The following PDE4D variants were observed in gnomAD, a reference collection of about 807,000 sequenced individuals.
PDE4D encodes the protein 3',5'-cyclic-AMP phosphodiesterase 4D.
Under a neutral mutation model 87.4 loss-of-function variants are expected in PDE4D, and 24 were observed. The ratio of observed to expected loss-of-function variants is 0.27; its 90% confidence interval spans 0.20 to 0.39. The LOEUF (loss-of-function observed/expected upper bound fraction) is 0.39. Among genes scored for constraint, PDE4D ranks in the 10% least tolerant of loss-of-function variants. PDE4D has a pLI of 1.00. For synonymous variants in PDE4D, 384 were observed against 383.2 expected (o/e 1.00, Z -0.02); for missense variants, 714 against 1,041.0 (o/e 0.69, Z 4.32).
chr5:59,131,801 T>C (rs1776331598), intron 5 of PDE4D, among the ~76,000 whole-genome samples: 1 of 152,178 alleles, frequency 6.6e-6, no homozygotes, highest in African/African-American at 2.4e-5. Flanking sequence ...ATAGTTTTGT[T>C]TGGCAAAAAT....
intron 1 of PDE4D, among the ~76,000 whole-genome samples, chr5:59,588,144 A>G (rs1002149439): frequency 6.6e-6 from 1 of 152,170 alleles, no homozygotes; most frequent in African/African-American, 2.4e-5. Flanking sequence ...GCAATTGCGC[A>G]TGCCATAAAA....
intron 5 of PDE4D, among the ~76,000 whole-genome samples, chr5:59,047,779 C>T (rs1580508412): frequency 1.3e-5 from 2 of 152,136 alleles, no homozygotes; most frequent in South Asian, 2.1e-4. Context: ...GAAAGCCCTT[C>T]GGAAGTAATT....
At chr5:60,254,044 T>A (rs982840436) in intron 1 of PDE4D, among the ~76,000 whole-genome samples, 1 of 151,992 alleles carries the variant, frequency 6.6e-6, no homozygotes, top group Non-Finnish European at 1.5e-5. Flanking sequence ...GATATACCTC[T>A]TCTTTCTATG....
chr5:59,405,384 T>C (rs1374131132), intron 1 of PDE4D, among the ~76,000 whole-genome samples: 2 of 152,256 alleles, frequency 1.3e-5, no homozygotes, highest in African/African-American at 2.4e-5. Context: ...TTGTTCACCA[T>C]TGGCATATAG....
intron 1 of PDE4D, among the ~76,000 whole-genome samples, chr5:59,400,556 G>A (rs1222680998): frequency 7.3e-6 from 1 of 136,928 alleles, no homozygotes. Context: ...ACACAGGAAG[G>A]GGAACATCAC....
intron 2 of PDE4D, among the ~76,000 whole-genome samples, chr5:60,063,114 GAAA>G: frequency 8.1e-6 from 1 of 124,034 alleles, no homozygotes; most frequent in Non-Finnish European, 1.7e-5. Flanking sequence ...AAGAAAGAAA[GAAA>G]GAAAGAAAGA....
chr5:60,332,775 A>G (rs543084160), intron 1 of PDE4D, among the ~76,000 whole-genome samples: 43 of 152,200 alleles, frequency 2.8e-4, no homozygotes, highest in African/African-American at 1.0e-3. Context: ...TTATATATAG[A>G]TATGGCTATG....
At chr5:59,489,041 C>T (rs933086375) in intron 1 of PDE4D, among the ~76,000 whole-genome samples, 5 of 151,978 alleles carry the variant, frequency 3.3e-5, no homozygotes, top group African/African-American at 1.2e-4. Flanking sequence ...AATCCCAGCA[C>T]TTTGGGAGGC....
intron 1 of PDE4D, among the ~76,000 whole-genome samples, chr5:59,859,994 C>T (rs1023811930): frequency 5.9e-5 from 9 of 152,304 alleles, no homozygotes; most frequent in African/African-American, 2.2e-4. Context: ...GGATATTTGA[C>T]AGTTGAATTG....
At chr5:60,348,183 G>A (rs1758888498) in intron 1 of PDE4D, among the ~76,000 whole-genome samples, 1 of 152,108 alleles carries the variant, frequency 6.6e-6, no homozygotes, top group Non-Finnish European at 1.5e-5. Flanking sequence ...GAATAAAAGT[G>A]TTCAACATGT....
intron 2 of PDE4D, among the ~76,000 whole-genome samples, chr5:60,108,543 C>T (rs79249197): frequency 0.029 from 4,398 of 152,196 alleles, 147 homozygotes; most frequent in African/African-American, 0.066. Flanking sequence ...AAAGAGCTCG[C>T]GTTGCCAAAT....
intron 1 of PDE4D, among the ~76,000 whole-genome samples, chr5:59,855,043 A>G (rs530996441): frequency 6.6e-6 from 1 of 152,266 alleles, no homozygotes; most frequent in South Asian, 2.1e-4. Context: ...TTGAGTGTGT[A>G]TATGAGTTCC....
chr5:59,531,747 C>A (rs948692736), intron 1 of PDE4D, among the ~76,000 whole-genome samples: 1 of 152,196 alleles, frequency 6.6e-6, no homozygotes, highest in African/African-American at 2.4e-5. Flanking sequence ...AGGGAAAAGT[C>A]TTTGCTTAGA....
At position 59,893,497 on chromosome 5, in the gene PDE4D, C is replaced by G; in HGVS notation, c.126G>C (p.Pro42=). ...LWRHEQHHQY[P]LRQPQFRLLH... ...GGAGGCGGAACTGGGGCTGCCGGAG[C>G]GGGTACTGGTGGTGCTGCTCGTGCC... The change falls in exon 1 of 15, where the codon CCG becomes CCC. Residue 42 remains proline, a synonymous_variant. Coordinates refer to ENST00000340635, the MANE Select transcript of PDE4D (RefSeq NM_001104631.2). 6.5e-7 allele frequency: 1 copy of G among 1,540,424 alleles called. No homozygotes were observed. The highest frequency in any genetic ancestry group is 2.5e-5 in the East Asian group (1 of 40,074).
chr5:59,019,034 A>G (rs1754592629), intron 6 of PDE4D, among the ~76,000 whole-genome samples: 1 of 151,146 alleles, frequency 6.6e-6, no homozygotes, highest in South Asian at 2.1e-4. Context: ...CCTAAATTAT[A>G]TGTCTAAAAA....
chr5:59,849,447 A>C (rs1170595827), intron 1 of PDE4D, among the ~76,000 whole-genome samples: 1 of 151,986 alleles, frequency 6.6e-6, no homozygotes, highest in Non-Finnish European at 1.5e-5. Context: ...ATCATGTAGA[A>C]ATGTGCTCTG....
At chr5:59,553,951 C>T (rs1190587253) in intron 1 of PDE4D, among the ~76,000 whole-genome samples, 1 of 152,062 alleles carries the variant, frequency 6.6e-6, no homozygotes, top group East Asian at 1.9e-4. Flanking sequence ...ACAATAATAG[C>T]TATAGTTTTT....
At chr5:59,352,328 C>T (rs943276452) in intron 1 of PDE4D, among the ~76,000 whole-genome samples, 1 of 152,140 alleles carries the variant, frequency 6.6e-6, no homozygotes, top group Non-Finnish European at 1.5e-5. Context: ...TGAGCTGTGG[C>T]ACACTAAAAA....
intron 2 of PDE4D, among the ~76,000 whole-genome samples, chr5:60,061,539 T>G (rs1254115730): frequency 6.6e-6 from 1 of 151,672 alleles, no homozygotes; most frequent in Non-Finnish European, 1.5e-5. Context: ...GCTATTCTCA[T>G]CAAACTACCA....
Sources: gnomAD v4.1 joint callset for allele counts (sites outside exome capture counted in the v4.1 genomes callset) on GRCh38, gnomAD v4.1.1 for gene constraint, MANE v1.5 for transcripts, NCBI Gene and HGNC (gene_info 2026-07-23, HGNC 2026-07-21) for gene names.